SRGAP1: variants seen among roughly 807,000 people sequenced by gnomAD.
SRGAP1 encodes the protein SLIT-ROBO Rho GTPase activating protein 1, also known as SLIT-ROBO Rho GTPase-activating protein 1.
A neutral mutation model predicts 121.9 loss-of-function variants in SRGAP1; 43 were observed. The ratio of observed to expected loss-of-function variants is 0.35; its 90% CI spans 0.28 to 0.46. The LOEUF is 0.46. Ranked by LOEUF, SRGAP1 falls within the 20% of genes least tolerant of loss-of-function variation. The pLI, the probability that SRGAP1 is intolerant of heterozygous loss-of-function variation, is 1.00. For missense variants in SRGAP1, 1,102 were observed against 1,350.9 expected (o/e 0.82, Z 2.89); for synonymous variants, 447 against 485.4 (o/e 0.92, Z 1.04).
intron 1 of SRGAP1, among the ~76,000 whole-genome samples, chr12:63,900,210 T>TTTCTTTTTTC (rs1459741763): frequency 7.5e-6 from 1 of 132,736 alleles, no homozygotes; most frequent in Non-Finnish European, 1.6e-5. Flanking sequence ...TTTTCTTTTT[T>TTTCTTTTTTC]TTTTTTTTTT....
rs1009064630 is a variant in SRGAP1 at position 64,151,432 on chromosome 12, A to G, written c.*8760A>G. 3 of 151,948 alleles carry G rather than the reference A, an allele frequency of 2.0e-5. No homozygotes were observed. Among genetic ancestry groups the G allele is most frequent in the Non-Finnish European group, 2.9e-5 (2 of 67,980 alleles). 9.4% of individuals were successfully genotyped at this position (151,948 alleles called of 1,614,324 possible). A position where few individuals can be genotyped will look rare whatever the true frequency, so the allele number is the denominator to read the frequency against. On this transcript the variant is annotated 3_prime_UTR_variant, in exon 22 of 22. Coordinates refer to ENST00000355086, the MANE Select transcript of SRGAP1 (RefSeq NM_020762.4). ...AAGGTTTTGTTTTTTTTTCAATTGA[A>G]TGTTATGTTGTGGTGAGCAGCTCTG...
intron 10 of SRGAP1, chr12:64,081,572 C>G (rs1327608095): frequency 6.6e-6 from 1 of 150,478 alleles, no homozygotes; most frequent in Non-Finnish European, 1.5e-5. Flanking sequence ...AAATTAGATA[C>G]TGAATCAAAA....
chr12:64,112,138 T>C, intron 17 of SRGAP1, 152 bp downstream of exon 17: 2 of 640,612 alleles, frequency 3.1e-6, no homozygotes, highest in Non-Finnish European at 2.7e-6. Context: ...TTTAGAATAC[T>C]AAGACCCATG....
At chr12:64,107,243 G>C (rs1445818655) in intron 15 of SRGAP1, among the ~76,000 whole-genome samples, 1 of 152,164 alleles carries the variant, frequency 6.6e-6, no homozygotes, top group Non-Finnish European at 1.5e-5. Flanking sequence ...GCTGGGGTCA[G>C]CACTCAAGAT....
At chr12:63,997,788 A>G (rs185974922) in intron 3 of SRGAP1, among the ~76,000 whole-genome samples, 118 of 152,190 alleles carry the variant, frequency 7.8e-4, no homozygotes, top group African/African-American at 1.7e-3. Context: ...TCCGGGTCCA[A>G]TTGAAAATTT....
intron 1 of SRGAP1, among the ~76,000 whole-genome samples, chr12:63,945,493 C>T (rs927878088): frequency 2.0e-5 from 3 of 152,080 alleles, no homozygotes; most frequent in Non-Finnish European, 4.4e-5. Context: ...TCAACTCCCA[C>T]TTTATTTAGG....
chr12:64,075,067 A>G (rs2035710194), intron 8 of SRGAP1, among the ~76,000 whole-genome samples: 1 of 152,206 alleles, frequency 6.6e-6, no homozygotes, highest in Non-Finnish European at 1.5e-5. Flanking sequence ...GAAATTAAAG[A>G]CACACGCACA....
chr12:63,864,242 A>G (rs924161764), intron 1 of SRGAP1, among the ~76,000 whole-genome samples: 26 of 152,356 alleles, frequency 1.7e-4, no homozygotes, highest in African/African-American at 6.3e-4. Context: ...TCTTGGAATT[A>G]CGTTGTGAAA....
At position 64,142,634 on chromosome 12, in the gene SRGAP1, C is replaced by T; in HGVS notation, c.3220C>T (p.Pro1074Ser). The change falls in exon 22 of 22, where the codon CCT (proline) becomes TCT (serine). Residue 1074 changes from proline (P) to serine (S), a missense_variant. By Grantham distance (74) the Pro-to-Ser change is moderately conservative. Around this residue, in one of 3 missense-constraint regions of SRGAP1, gnomAD observed 315 missense variants for 343.1 expected, o/e 0.92. Coordinates refer to ENST00000355086, the MANE Select transcript of SRGAP1 (RefSeq NM_020762.4). ...AAATCCTACCATAGGACCTGCCCCA[C>T]CTCCCCAGGGTCCAACAGACAAGTC... ...KTNPTIGPAPPPQGPTDKSCT... is the reference protein window; with the variant it reads ...KTNPTIGPAPSPQGPTDKSCT... 2 of 1,614,162 alleles carry T rather than the reference C, an allele frequency of 1.2e-6. No individual in the cohort carries two copies. The highest frequency in any genetic ancestry group is 1.7e-6 in the Non-Finnish European group (2 of 1,180,036).
At chr12:64,075,000 A>G (rs2035708214) in intron 8 of SRGAP1, among the ~76,000 whole-genome samples, 1 of 151,634 alleles carries the variant, frequency 6.6e-6, no homozygotes, top group Admixed American at 6.6e-5. Context: ...CCAGAGCCAC[A>G]TTTTGAGTCT....
chr12:64,005,951 C>T (rs4516057), intron 3 of SRGAP1, among the ~76,000 whole-genome samples: 144,773 of 152,212 alleles, frequency 0.95, 69,279 homozygotes, highest in East Asian at 1. Flanking sequence ...GTCACAAAAG[C>T]GAGTAAGACA....
chr12:63,945,631 G>A (rs2032020425), intron 1 of SRGAP1, among the ~76,000 whole-genome samples: 1 of 152,182 alleles, frequency 6.6e-6, no homozygotes. Context: ...TCTAAATGTT[G>A]TAGGATACTG....
At chr12:64,045,530 G>C (rs1194078725) in intron 6 of SRGAP1, among the ~76,000 whole-genome samples, 2 of 151,708 alleles carry the variant, frequency 1.3e-5, no homozygotes, top group African/African-American at 4.8e-5. Context: ...CGGCCTCCCA[G>C]GTTCAAGCAA....
intron 1 of SRGAP1, among the ~76,000 whole-genome samples, chr12:63,931,860 A>C (rs1169368856): frequency 6.6e-6 from 1 of 152,194 alleles, no homozygotes; most frequent in Admixed American, 6.5e-5. Context: ...AGACAAAGGA[A>C]TGAGGGCTGG....
At chr12:64,115,071 G>A (rs2036496205) in intron 17 of SRGAP1, among the ~76,000 whole-genome samples, 1 of 152,152 alleles carries the variant, frequency 6.6e-6, no homozygotes, top group African/African-American at 2.4e-5. Context: ...GATATGCAAT[G>A]AACATGTGTC....
chr12:63,992,247 C>G (rs2033575542), intron 3 of SRGAP1, among the ~76,000 whole-genome samples: 1 of 152,150 alleles, frequency 6.6e-6, no homozygotes, highest in African/African-American at 2.4e-5. Flanking sequence ...GAGTCAAGGG[C>G]TTGATAAAGT....
intron 15 of SRGAP1, among the ~76,000 whole-genome samples, chr12:64,102,887 A>T (rs184200810): frequency 2.5e-4 from 38 of 152,328 alleles, no homozygotes; most frequent in African/African-American, 8.4e-4. Flanking sequence ...AAAATGATTG[A>T]GGTGATCTTG....
At chr12:64,056,566 A>AAG (rs1555170207) in intron 6 of SRGAP1, among the ~76,000 whole-genome samples, 5 of 149,942 alleles carry the variant, frequency 3.3e-5, no homozygotes, top group African/African-American at 1.2e-4. Flanking sequence ...AAAAAAAAAA[A>AAG]AGAGAGAAAG....
intron 2 of SRGAP1, among the ~76,000 whole-genome samples, chr12:63,985,095 AG>A (rs969714804): frequency 2.0e-5 from 3 of 151,846 alleles, no homozygotes; most frequent in African/African-American, 7.3e-5. Context: ...GTGCTCCAAC[AG>A]GGGAAGGCGG....
Sources: allele counts gnomAD v4.1 joint callset (sites outside exome capture counted in the v4.1 genomes callset), GRCh38; gene constraint gnomAD v4.1.1; regional missense constraint gnomAD v4.1.1; transcripts MANE v1.5; gene names NCBI Gene and HGNC (gene_info 2026-07-23, HGNC 2026-07-21).